ABCC1: variants seen among roughly 807,000 people sequenced by gnomAD.
ABCC1 encodes ATP binding cassette subfamily C member 1 (ABCC1 blood group).
In ABCC1, 83 loss-of-function variants were observed where a neutral mutation model predicts 172.9. That is an observed-to-expected ratio of 0.48 (90% CI 0.40 to 0.58). ABCC1 has a LOEUF of 0.58. Among genes scored for constraint, ABCC1 ranks in the 20% least tolerant of loss-of-function variants. The pLI, the probability that ABCC1 is intolerant of heterozygous loss-of-function variation, is 0.00. For missense variants in ABCC1, 1,817 were observed against 2,002.7 expected (o/e 0.91, Z 1.77); for synonymous variants, 937 against 825.2 (o/e 1.14, Z -2.32).
chr16:16,079,817 TG>T lies in ABCC1; in HGVS notation c.2115+340del, dbSNP rs1321478855. The stretch of plus-strand genomic sequence containing the variant: ...ATTATTATTATTATCATTATTATTG[TG>T]TTTTTTTTTTTTTGAGACAGGGTCA... On this transcript the variant is annotated intron_variant, in intron 16 of 30. Coordinates refer to ENST00000399410, the MANE Select transcript of ABCC1 (RefSeq NM_004996.4). 3.1e-4 allele frequency among the ~76,000 whole-genome samples: 46 copies of T among 150,068 alleles called. 1 individual carries two copies. The highest frequency in any genetic ancestry group is 1.0e-3 in the African/African-American group (42 of 40,160).
At chr16:15,999,681 G>C (rs1307372700) in intron 1 of ABCC1, among the ~76,000 whole-genome samples, 1 of 148,396 alleles carries the variant, frequency 6.7e-6, no homozygotes, top group Non-Finnish European at 1.5e-5. Context: ...GCCCAGGCTG[G>C]TCTAGAATTC....
At position 16,009,825 on chromosome 16, in the gene ABCC1, C is replaced by G. The variant is rs8187844; in HGVS notation, c.275C>G (p.Ser92Cys). Residue 92 changes from serine to cysteine, a missense_variant, in exon 3 of 31, where the codon TCT becomes TGT. By Grantham distance (112) the Ser-to-Cys change is moderately radical (BLOSUM62 -1). Transcript: ENST00000399410. Reference sequence around the variant, plus strand: ...GTCTGCTGGGCAGACCTCTTCTACTCTTTCTGGGAAAGAAGTCGGGGCATA... The same window carrying G: ...GTCTGCTGGGCAGACCTCTTCTACTGTTTCTGGGAAAGAAGTCGGGGCATA... Reference protein sequence around the residue: ...WIVCWADLFYSFWERSRGIFL... With the variant: ...WIVCWADLFYCFWERSRGIFL... The G allele has an allele frequency of 1.9e-6, 3 of 1,611,542 alleles. No homozygotes were observed. The highest frequency in any genetic ancestry group is 1.7e-5 in the Admixed American group (1 of 59,574).
At chr16:16,077,819 C>G (rs968226285) in intron 15 of ABCC1, among the ~76,000 whole-genome samples, 1 of 152,116 alleles carries the variant, frequency 6.6e-6, no homozygotes, top group Admixed American at 6.6e-5. Context: ...AGTCCGAAGT[C>G]TGAGACCAGC....
At chr16:16,032,044 G>A (rs1421584208) in intron 5 of ABCC1, among the ~76,000 whole-genome samples, 1 of 152,042 alleles carries the variant, frequency 6.6e-6, no homozygotes, top group Non-Finnish European at 1.5e-5. Context: ...AGGCTGTAGT[G>A]CAGTCGTTCG....
At chr16:16,057,366 TAAA>T (rs747489467) in intron 12 of ABCC1, among the ~76,000 whole-genome samples, 2 of 133,122 alleles carry the variant, frequency 1.5e-5, no homozygotes, top group Non-Finnish European at 3.2e-5. Context: ...CTCAAAAAAG[TAAA>T]AAAAAAAAAA....
In ABCC1 at chr16:16,114,978, C is replaced by A. The variant is rs772280715; in HGVS notation, c.3292C>A (p.Leu1098Met). Reference sequence around the variant, plus strand: ...GGTCATCAAGATGTTCATGGGCTCCCTGTTCAACGTCATTGGTGCCTGCAT... The same window carrying A: ...GGTCATCAAGATGTTCATGGGCTCCATGTTCAACGTCATTGGTGCCTGCAT... ...PEVIKMFMGS[L>M]FNVIGACIVI... is the part of the protein sequence containing the mutation. Residue 1098 changes from leucine (L) to methionine (M), a missense_variant, in exon 23 of 31, where the codon CTG becomes ATG. Physicochemically the swap from Leu to Met is conservative, Grantham distance 15. Transcript: ENST00000399410. 6 of 1,614,228 alleles carry A rather than the reference C, an allele frequency of 3.7e-6. 1 individual carries two copies. The South Asian group carries it at 4.4e-5, about 12-fold the overall frequency.
rs566019262 is a variant in ABCC1 at position 16,122,317 on chromosome 16, G to A, written c.3590+143G>A. 1.4e-4 allele frequency: 121 copies of A among 847,952 alleles called. No homozygotes were observed. In the Middle Eastern group the frequency reaches 3.2e-3, roughly 23 times the overall value. 52.5% of individuals were successfully genotyped at this position (847,952 alleles called of 1,614,324 possible). A position where few individuals can be genotyped will look rare whatever the true frequency, so the allele number is the denominator to read the frequency against. On this transcript the variant is annotated intron_variant, in intron 24 of 30. Coordinates refer to ENST00000399410, the MANE Select transcript of ABCC1 (RefSeq NM_004996.4). ...GAAAGGATGGAGAGGCTTGATGAGC[G>A]CGGAGGACAGATGAATCATTAAGAG...
intron 5 of ABCC1, among the ~76,000 whole-genome samples, chr16:16,017,308 G>A (rs1248389054): frequency 6.6e-6 from 1 of 152,008 alleles, no homozygotes; most frequent in East Asian, 1.9e-4. Flanking sequence ...TCGGCTCACT[G>A]TAGTCTTGAC....
chr16:16,030,927 T>C (rs558666634), intron 5 of ABCC1, among the ~76,000 whole-genome samples: 1 of 152,252 alleles, frequency 6.6e-6, no homozygotes, highest in East Asian at 1.9e-4. Context: ...CTCAGCTTAC[T>C]GCAACCTCCG....
intron 3 of ABCC1, among the ~76,000 whole-genome samples, chr16:16,012,609 A>G (rs1194152676): frequency 6.6e-6 from 1 of 151,404 alleles, no homozygotes. Context: ...TGGTGGGATT[A>G]CAGGCATGAG....
intron 6 of ABCC1, among the ~76,000 whole-genome samples, chr16:16,034,023 C>CTTTTTTTTTTTTTTTTT (rs10580146): frequency 3.5e-5 from 3 of 86,830 alleles, no homozygotes; most frequent in African/African-American, 4.4e-5. Flanking sequence ...TAAGCATCAT[C>CTTTTTTTTTTTTTTTTT]TTTTTTTTTT....
intron 1 of ABCC1, among the ~76,000 whole-genome samples, chr16:15,954,823 G>A (rs2045951795): frequency 6.6e-6 from 1 of 152,146 alleles, no homozygotes; most frequent in South Asian, 2.1e-4. Context: ...TTCTGTTTGT[G>A]GACACAACTT....
intron 10 of ABCC1, among the ~76,000 whole-genome samples, chr16:16,051,654 G>A (rs2049435312): frequency 6.6e-6 from 1 of 152,150 alleles, no homozygotes; most frequent in East Asian, 1.9e-4. Context: ...CTTGGTAGGA[G>A]CTCAGTTCCT....
intron 7 of ABCC1, among the ~76,000 whole-genome samples, chr16:16,039,340 T>A (rs1362642666): frequency 6.9e-6 from 1 of 145,804 alleles, no homozygotes; most frequent in African/African-American, 2.5e-5. Flanking sequence ...TGATCTCGGC[T>A]CACTGCAACC....
chr16:16,074,639 C>G (rs2050482874), intron 14 of ABCC1, among the ~76,000 whole-genome samples: 1 of 152,196 alleles, frequency 6.6e-6, no homozygotes, highest in African/African-American at 2.4e-5. Flanking sequence ...TGGGGGCCCC[C>G]TTGGCTGCTC....
At chr16:15,988,632 C>T (rs115263480) in intron 1 of ABCC1, among the ~76,000 whole-genome samples, 2,292 of 152,214 alleles carry the variant, frequency 0.015, 52 homozygotes, top group African/African-American at 0.052. Flanking sequence ...CTTCATAGGA[C>T]GGGCCTTCCA....
At chr16:15,974,941 C>T (rs771257689) in intron 1 of ABCC1, among the ~76,000 whole-genome samples, 7 of 152,148 alleles carry the variant, frequency 4.6e-5, no homozygotes, top group African/African-American at 1.7e-4. Flanking sequence ...TGTTTGCCAC[C>T]ATGCCCAGCT....
At chr16:16,073,307 A>G (rs188989242) in intron 14 of ABCC1, among the ~76,000 whole-genome samples, 6 of 152,184 alleles carry the variant, frequency 3.9e-5, no homozygotes, top group East Asian at 1.9e-4. Context: ...GGTAGAGTCC[A>G]TGCTCTTCCT....
chr16:16,045,376 A>T (rs935974267), intron 8 of ABCC1, among the ~76,000 whole-genome samples: 14 of 145,948 alleles, frequency 9.6e-5, no homozygotes, highest in African/African-American at 3.6e-4. Context: ...AACCTTGGCG[A>T]CAGAGCAAGA....
Sources: gnomAD v4.1 joint callset for allele counts (sites outside exome capture counted in the v4.1 genomes callset) on GRCh38, gnomAD v4.1.1 for gene constraint, MANE v1.5 for transcripts, NCBI Gene and HGNC (gene_info 2026-07-23, HGNC 2026-07-21) for gene names.